The following DAB1 variants were observed in gnomAD, a reference collection of about 807,000 sequenced individuals.
DAB1 encodes the protein DAB adaptor protein 1.
In DAB1, 15 loss-of-function variants were observed where a neutral mutation model predicts 64.6. The observed-to-expected ratio is 0.23, with a 90% CI of 0.16 to 0.36. DAB1 has a LOEUF of 0.36. DAB1 is among the 10% of genes least tolerant of loss of function. The pLI is 1.00. For missense variants in DAB1, 596 were observed against 706.7 expected (o/e 0.84, Z 1.78); for synonymous variants, 235 against 251.9 (o/e 0.93, Z 0.64).
chr1:57,842,868 A>C (rs1285745079), intron 1 of DAB1, among the ~76,000 whole-genome samples: 1 of 152,234 alleles, frequency 6.6e-6, no homozygotes, highest in Non-Finnish European at 1.5e-5. Flanking sequence ...TGTGCTCAGA[A>C]CATTTATATT....
chr1:57,758,362 G>T (rs527834653), intron 6 of DAB1, among the ~76,000 whole-genome samples: 7 of 152,258 alleles, frequency 4.6e-5, no homozygotes, highest in Admixed American at 3.9e-4. Context: ...TTCTGCAAAG[G>T]CCATGATGTT....
chr1:57,183,629 T>A (rs970393961), intron 2 of DAB1, among the ~76,000 whole-genome samples: 5 of 152,150 alleles, frequency 3.3e-5, no homozygotes, highest in African/African-American at 1.2e-4. Flanking sequence ...AAGATGATAC[T>A]TTCAAACTAT....
chr1:57,393,850 G>T (rs1356211720), intron 1 of DAB1, among the ~76,000 whole-genome samples: 1 of 152,044 alleles, frequency 6.6e-6, no homozygotes, highest in African/African-American at 2.4e-5. Context: ...TATCCTGCCG[G>T]GTCAAAAATA....
At chr1:57,192,132 C>T (rs1397393322) in intron 2 of DAB1, among the ~76,000 whole-genome samples, 1 of 152,130 alleles carries the variant, frequency 6.6e-6, no homozygotes, top group Middle Eastern at 3.4e-3. Context: ...GCCTTGCCAA[C>T]ATGGTAAAAC....
intron 1 of DAB1, among the ~76,000 whole-genome samples, chr1:57,829,379 T>C (rs1652491296): frequency 6.6e-6 from 1 of 152,220 alleles, no homozygotes; most frequent in African/African-American, 2.4e-5. Flanking sequence ...GGCAGTTTCG[T>C]ATTTGTTTTC....
At chr1:58,296,700 T>A (rs1467544974) in intron 4 of DAB1, among the ~76,000 whole-genome samples, 2 of 152,214 alleles carry the variant, frequency 1.3e-5, no homozygotes, top group Admixed American at 1.3e-4. Flanking sequence ...TGAACCCATA[T>A]TTATCATAAC....
chr1:57,851,427 T>A (rs1401565873), intron 1 of DAB1, among the ~76,000 whole-genome samples: 1 of 152,156 alleles, frequency 6.6e-6, no homozygotes, highest in Non-Finnish European at 1.5e-5. Flanking sequence ...TAGAGCACAC[T>A]AGAGCACACC....
intron 5 of DAB1, among the ~76,000 whole-genome samples, chr1:57,964,797 A>G (rs539857112): frequency 1.3e-5 from 2 of 152,290 alleles, no homozygotes; most frequent in South Asian, 4.1e-4. Context: ...TATAAAATCT[A>G]TTGAAAACAA....
intron 4 of DAB1, among the ~76,000 whole-genome samples, chr1:58,233,757 G>A (rs910714915): frequency 6.6e-6 from 1 of 152,162 alleles, no homozygotes; most frequent in African/African-American, 2.4e-5. Flanking sequence ...GCTACTCTGA[G>A]CCACAGACCA....
At chr1:57,885,932 T>C (rs1315080464), upstream of DAB1, among the ~76,000 whole-genome samples, 2 of 152,208 alleles carry the variant, frequency 1.3e-5, no homozygotes, top group Non-Finnish European at 2.9e-5. Context: ...TATAATTAAT[T>C]ACAAGCAATT....
chr1:58,208,361 C>T (rs973447297), intron 4 of DAB1, among the ~76,000 whole-genome samples: 6 of 152,020 alleles, frequency 3.9e-5, no homozygotes, highest in Admixed American at 6.6e-5. Context: ...AGTTCTTTAG[C>T]GGAGATTTCT....
chr1:58,510,304 T>C (rs1043565362), intron 2 of DAB1, among the ~76,000 whole-genome samples: 1 of 152,106 alleles, frequency 6.6e-6, no homozygotes, highest in African/African-American at 2.4e-5. Flanking sequence ...GATTTCTTCC[T>C]GGTAATCAAG....
At chr1:57,716,394 T>C (rs1557440012) in intron 6 of DAB1, among the ~76,000 whole-genome samples, 1 of 152,156 alleles carries the variant, frequency 6.6e-6, no homozygotes, top group Non-Finnish European at 1.5e-5. Flanking sequence ...AACTGAGATA[T>C]AGACCAGTGG....
At chr1:57,922,845 C>CAAAAAAAAAAAAAAAAAAAA (rs367897659) in intron 5 of DAB1, among the ~76,000 whole-genome samples, 3 of 45,004 alleles carry the variant, frequency 6.7e-5, no homozygotes, top group African/African-American at 2.3e-4. Context: ...GACTCCATCT[C>CAAAAAAAAAAAAAAAAAAAA]AAAAAAAAAA....
chr1:57,099,584 C>A (rs374210876), intron 4 of DAB1, among the ~76,000 whole-genome samples: 78 of 152,248 alleles, frequency 5.1e-4, no homozygotes, highest in South Asian at 3.9e-3. Flanking sequence ...TTCTAGAATA[C>A]AAAGAGTTTT....
chr1:58,473,458 C>T (rs1271666147), intron 3 of DAB1, among the ~76,000 whole-genome samples: 13 of 151,882 alleles, frequency 8.6e-5, no homozygotes, highest in African/African-American at 2.4e-4. Flanking sequence ...AGGAGAATGG[C>T]GTGAACCCGG....
chr1:57,389,101 C>T (rs1240531704), intron 1 of DAB1, among the ~76,000 whole-genome samples: 1 of 152,196 alleles, frequency 6.6e-6, no homozygotes, highest in African/African-American at 2.4e-5. Flanking sequence ...GGAACCTTGT[C>T]CTATGCACCC....
intron 14 of DAB1, among the ~76,000 whole-genome samples, chr1:56,999,547 G>A (rs1420859965): frequency 6.6e-6 from 1 of 152,160 alleles, no homozygotes; most frequent in Admixed American, 6.5e-5. Flanking sequence ...GATAAAAACT[G>A]AAGTTCTGAA....
chr1:58,434,067 G>C (rs1308908183), intron 3 of DAB1, among the ~76,000 whole-genome samples: 2 of 152,082 alleles, frequency 1.3e-5, no homozygotes, highest in African/African-American at 4.8e-5. Context: ...AGAAATATAA[G>C]GACACAGATC....
Sources: allele counts gnomAD v4.1 joint callset (sites outside exome capture counted in the v4.1 genomes callset), GRCh38; gene constraint gnomAD v4.1.1; transcripts MANE v1.5; gene names NCBI Gene and HGNC (gene_info 2026-07-23, HGNC 2026-07-21).